Variants in GABRB1 observed in about 807,000 individuals in gnomAD.
GABRB1 encodes gamma-aminobutyric acid type A receptor subunit beta1.
Under a neutral mutation model 51.6 loss-of-function variants are expected in GABRB1, and 17 were observed. The ratio of observed to expected loss-of-function variants is 0.33; its 90% CI spans 0.23 to 0.49. GABRB1 has a LOEUF of 0.49. Ranked by LOEUF, GABRB1 falls within the 20% of genes least tolerant of loss-of-function variation. The pLI is 0.99. For missense variants in GABRB1, 410 were observed against 600.6 expected, an observed-to-expected ratio of 0.68 and a Z score of 3.32; for synonymous variants, 247 against 218.9, an observed-to-expected ratio of 1.13 and a Z score of -1.14.
At chr4:47,223,690 A>C (rs1010588255) in intron 4 of GABRB1, among the ~76,000 whole-genome samples, 15 of 152,270 alleles carry the variant, frequency 9.9e-5, no homozygotes, top group African/African-American at 3.4e-4. Context: ...GAATATTCCC[A>C]TGGTCTGAGA....
chr4:47,109,245 T>C (rs898152720), intron 3 of GABRB1, among the ~76,000 whole-genome samples: 1 of 152,042 alleles, frequency 6.6e-6, no homozygotes, highest in Non-Finnish European at 1.5e-5. Context: ...ACATCATTGG[T>C]GGCTTATGAA....
At chr4:47,376,560 T>G (rs554597927) in intron 5 of GABRB1, among the ~76,000 whole-genome samples, 1 of 152,084 alleles carries the variant, frequency 6.6e-6, no homozygotes, top group Non-Finnish European at 1.5e-5. Flanking sequence ...GGCAGGAGAA[T>G]GGCGTGAACC....
chr4:47,209,675 T>C (rs568805184), intron 4 of GABRB1, among the ~76,000 whole-genome samples: 4 of 151,994 alleles, frequency 2.6e-5, no homozygotes, highest in South Asian at 2.1e-4. Context: ...TGTTCTATCA[T>C]AGATGTACAA....
At chr4:47,394,242 A>G (rs1159112015) in intron 5 of GABRB1, among the ~76,000 whole-genome samples, 1 of 152,218 alleles carries the variant, frequency 6.6e-6, no homozygotes, top group Non-Finnish European at 1.5e-5. Context: ...GACAGGCATA[A>G]TGAAGTCAAA....
At chr4:47,373,862 G>A (rs1727293098) in intron 5 of GABRB1, among the ~76,000 whole-genome samples, 2 of 152,156 alleles carry the variant, frequency 1.3e-5, no homozygotes, top group South Asian at 2.1e-4. Flanking sequence ...GGATGAACAA[G>A]GGGAGCTGTG....
At chr4:47,171,984 T>G (rs1429279109) in intron 4 of GABRB1, among the ~76,000 whole-genome samples, 1 of 152,140 alleles carries the variant, frequency 6.6e-6, no homozygotes, top group Non-Finnish European at 1.5e-5. Context: ...GAGTGTTTCT[T>G]AAGCCTAAAA....
At chr4:47,104,845 T>G (rs1714887317) in intron 3 of GABRB1, among the ~76,000 whole-genome samples, 1 of 152,054 alleles carries the variant, frequency 6.6e-6, no homozygotes, top group Admixed American at 6.6e-5. Context: ...GCTGCCCAAG[T>G]TTTCTGTTTG....
intron 4 of GABRB1, among the ~76,000 whole-genome samples, chr4:47,256,927 G>T (rs1722226376): frequency 6.6e-6 from 1 of 152,078 alleles, no homozygotes; most frequent in African/African-American, 2.4e-5. Flanking sequence ...GTACTATGTT[G>T]GCCCTACTTT....
chr4:47,026,566 T>C (rs1347407965), intron 1 of GABRB1, among the ~76,000 whole-genome samples: 1 of 152,052 alleles, frequency 6.6e-6, no homozygotes, highest in African/African-American at 2.4e-5. Context: ...ACAGGCTTAA[T>C]AGTCCTCATT....
At chr4:47,369,004 A>G (rs1173674515) in intron 5 of GABRB1, among the ~76,000 whole-genome samples, 1 of 152,148 alleles carries the variant, frequency 6.6e-6, no homozygotes, top group African/African-American at 2.4e-5. Context: ...GCTACTTGGC[A>G]TGCTGAGGCA....
chr4:47,101,710 C>G (rs1221996210), intron 3 of GABRB1, among the ~76,000 whole-genome samples: 1 of 151,994 alleles, frequency 6.6e-6, no homozygotes, highest in Non-Finnish European at 1.5e-5. Flanking sequence ...AAAAGCCATG[C>G]AGATGCCATG....
chr4:47,185,075 A>G (rs1218805087), intron 4 of GABRB1, among the ~76,000 whole-genome samples: 4 of 151,734 alleles, frequency 2.6e-5, no homozygotes, highest in Non-Finnish European at 1.5e-5. Context: ...CTTTAATTTT[A>G]TTTACTTCTA....
chr4:46,995,309 G>A (rs1216653916), intron 1 of GABRB1, among the ~76,000 whole-genome samples: 2 of 152,134 alleles, frequency 1.3e-5, no homozygotes, highest in African/African-American at 4.8e-5. Context: ...TGCCATGAAA[G>A]CATTAGTCAC....
intron 4 of GABRB1, among the ~76,000 whole-genome samples, chr4:47,299,355 A>AT (rs1396243526): frequency 2.6e-5 from 4 of 152,232 alleles, no homozygotes; most frequent in Middle Eastern, 3.2e-3. Flanking sequence ...CAAAGGGCTA[A>AT]TCTCCAGAAT....
intron 3 of GABRB1, among the ~76,000 whole-genome samples, chr4:47,147,615 T>TG (rs1347385861): frequency 2.0e-5 from 3 of 152,092 alleles, no homozygotes; most frequent in African/African-American, 7.2e-5. Flanking sequence ...CAGCCTACTG[T>TG]GGGAGCACGT....
At chr4:47,201,846 C>A (rs10004181) in intron 4 of GABRB1, among the ~76,000 whole-genome samples, 3 of 151,912 alleles carry the variant, frequency 2.0e-5, no homozygotes, top group African/African-American at 7.3e-5. Context: ...ATGTCTGTCC[C>A]GTCTGTTCCA....
At chr4:47,086,238 G>A (rs1728052682) in intron 3 of GABRB1, among the ~76,000 whole-genome samples, 4 of 152,250 alleles carry the variant, frequency 2.6e-5, no homozygotes, top group Admixed American at 2.6e-4. Context: ...CGGGTTCTTC[G>A]TTAAATATTC....
intron 1 of GABRB1, among the ~76,000 whole-genome samples, chr4:47,000,877 A>G (rs926334143): frequency 6.6e-6 from 1 of 152,212 alleles, no homozygotes; most frequent in African/African-American, 2.4e-5. Flanking sequence ...GCATTATCCT[A>G]TTGGTCAGAG....
chr4:47,093,243 G>C (rs1318672579), intron 3 of GABRB1, among the ~76,000 whole-genome samples: 1 of 152,132 alleles, frequency 6.6e-6, no homozygotes, highest in East Asian at 1.9e-4. Context: ...CCACTGAAAC[G>C]AATTCTATGA....
Sources: allele counts gnomAD v4.1 joint callset (sites outside exome capture counted in the v4.1 genomes callset), GRCh38; gene constraint gnomAD v4.1.1; transcripts MANE v1.5; gene names NCBI Gene and HGNC (gene_info 2026-07-23, HGNC 2026-07-21).